The following PIGM variants were observed in gnomAD, a reference collection of about 807,000 sequenced individuals.
The protein encoded by PIGM is GPI alpha-1,4-mannosyltransferase I, catalytic subunit.
PIGM carries 7 observed loss-of-function variants against 14.6 expected under a neutral mutation model. That is an observed-to-expected ratio of 0.48 (90% CI 0.27 to 0.90). The LOEUF is 0.90. PIGM is among the 40% of genes least tolerant of loss of function. The pLI, the probability that PIGM is intolerant of heterozygous loss-of-function variation, is 0.12. For synonymous variants in PIGM, 216 were observed against 215.9 expected, an observed-to-expected ratio of 1.00 and a Z score of 0.00; for missense variants, 506 against 516.2, an observed-to-expected ratio of 0.98 and a Z score of 0.19.
At position 160,026,618 on chromosome 1, in the gene PIGM, A is replaced by G. The variant is rs1405929277; in HGVS notation, c.*3850T>C. 2.0e-5 allele frequency: 3 copies of G among 152,068 alleles called. No individual in the cohort carries two copies. The highest frequency in any genetic ancestry group is 4.4e-5 in the Non-Finnish European group (3 of 68,014). The allele number at this position is 152,068 out of a possible 1,614,324, so 9.4% of individuals were successfully genotyped here. A position where few individuals can be genotyped will look rare whatever the true frequency, so the allele number is the denominator to read the frequency against. On this transcript the variant is annotated 3_prime_UTR_variant, in exon 1 of 1. Transcript: ENST00000368090. ...CACTTTGGGAAGCCAATGAGGGAAG[A>G]TCACTTAAGTGATCTCCCTCTTGCA...
In PIGM at chr1:160,031,644, C is replaced by T; in HGVS notation, c.96G>A (p.Leu32=). ...GGTCCTGGAAGACGCCATAGAAAAC[C>T]AGGGCGACTCTGGCTAGAAAGGCCA... ...FGVAFLARVA[L]VFYGVFQDRT... is the part of the protein sequence containing the mutation. Residue 32 remains leucine (L), a synonymous_variant, in exon 1 of 1, where the codon CTG becomes CTA. Transcript: ENST00000368090. 3 of 1,614,176 alleles carry T rather than the reference C, an allele frequency of 1.9e-6. No individual in the cohort carries two copies. The highest frequency in any genetic ancestry group is 1.7e-6 in the Non-Finnish European group (2 of 1,180,028).
chr1:160,030,165 T>C lies in PIGM; in HGVS notation c.*303A>G. 2.9e-6 allele frequency: 1 copy of C among 347,532 alleles called. No homozygotes were observed. The highest frequency in any genetic ancestry group is 5.5e-6 in the Non-Finnish European group (1 of 181,138). The allele number at this position is 347,532 out of a possible 1,614,324, so 21.5% of individuals were successfully genotyped here. A position where few individuals can be genotyped will look rare whatever the true frequency, so the allele number is the denominator to read the frequency against. The stretch of plus-strand genomic sequence containing the variant: ...CTGGCTTAAACCTGATGTCTCTAAC[T>C]ATATTCCTCTATTTTAAGAATGTTT... On this transcript the variant is annotated 3_prime_UTR_variant, in exon 1 of 1. Transcript: ENST00000368090.
rs778988478 is a variant in PIGM at position 160,030,610 on chromosome 1, A to C, written c.1130T>G (p.Val377Gly). The C allele has an allele frequency of 8.1e-6, 13 of 1,614,114 alleles. No homozygotes were observed. The highest frequency in any genetic ancestry group is 2.7e-5 in the African/African-American group (2 of 74,944). ...GGTGTTCTTTCCTTGAAACTCTAGA[A>C]CATAGGCAGGAGCCAGCCACATGGC... ...GQAMWLAPAY[V>G]LEFQGKNTFL... The change falls in exon 1 of 1, where the codon GTT becomes GGT. Residue 377 changes from valine (V) to glycine (G), a missense_variant. Val to Gly is a moderately radical substitution (Grantham distance 109). Coordinates refer to ENST00000368090, the MANE Select transcript of PIGM (RefSeq NM_145167.3).
At position 160,030,984 on chromosome 1, in the gene PIGM, T is replaced by A. The variant is rs763115687; in HGVS notation, c.756A>T (p.Glu252Asp). The A allele has an allele frequency of 3.1e-6, 5 of 1,614,080 alleles. No individual in the cohort carries two copies. Among genetic ancestry groups the A allele is most frequent in the Non-Finnish European group, 4.2e-6 (5 of 1,180,018 alleles). ...SFGFYYEYGW[E>D]FLEHTYFYHL... ...GATAAAAGTAGGTGTGTTCCAAAAA[T>A]TCCCAGCCGTACTCATAGTAAAAAC... is the stretch of plus-strand genomic sequence containing the variant. The change falls in exon 1 of 1, where the codon GAA becomes GAT. Residue 252 changes from glutamate (E) to aspartate (D), a missense_variant. Glu to Asp is a conservative substitution (Grantham distance 45). Coordinates refer to ENST00000368090, the MANE Select transcript of PIGM (RefSeq NM_145167.3).
In PIGM at chr1:160,030,399, C is replaced by T; in HGVS notation, c.*69G>A. On this transcript the variant is annotated 3_prime_UTR_variant, in exon 1 of 1. Coordinates refer to ENST00000368090, the MANE Select transcript of PIGM (RefSeq NM_145167.3). ...CTTAGAATGTTCAGAAAAAATGTCC[C>T]AAAGCTCTCTTCTGGTCCATACAAG... 2 of 1,492,990 alleles carry T rather than the reference C, an allele frequency of 1.3e-6. No individual in the cohort carries two copies. The highest frequency in any genetic ancestry group is 1.9e-6 in the Non-Finnish European group (2 of 1,072,166). The allele number at this position is 1,492,990 out of a possible 1,614,324, so 92.5% of individuals were successfully genotyped here.
rs747612971 is a variant in PIGM, at chr1:160,031,681, C to T, written c.59G>A (p.Gly20Asp). ...WLLNLKVAPA[G>D]VFGVAFLARV... The stretch of plus-strand genomic sequence containing the variant: ...GGCTAGAAAGGCCACACCAAAGACG[C>T]CGGCTGGAGCCACCTTCAAGTTCAG... The change falls in exon 1 of 1, where the codon GGC (glycine) becomes GAC (aspartate). Residue 20 changes from glycine (G) to aspartate (D), a missense_variant. Transcript: ENST00000368090. 14 of 1,614,062 alleles carry T rather than the reference C, an allele frequency of 8.7e-6. No individual in the cohort carries two copies. In the African/African-American group the frequency reaches 1.6e-4, roughly 18 times the overall value.
chr1:160,031,930 C>A lies in PIGM; in HGVS notation c.-191G>T. On this transcript the variant is annotated 5_prime_UTR_variant, in exon 1 of 1. Coordinates refer to ENST00000368090, the MANE Select transcript of PIGM (RefSeq NM_145167.3). ...ACTGCTACCTGTCTCCAGCCCCGCG[C>A]GGTCTTCTCAGCCGCCCGAGCCAAA... The A allele has an allele frequency of 3.8e-6, 3 of 780,506 alleles. No homozygotes were observed. The highest frequency in any genetic ancestry group is 2.2e-6 in the Non-Finnish European group (1 of 455,846). The allele number at this position is 780,506 out of a possible 1,614,324, so 48.3% of individuals were successfully genotyped here.
rs755378617 is a variant in PIGM at position 160,030,476 on chromosome 1, A to G, written c.1264T>C (p.Tyr422His). 6.2e-7 allele frequency: 1 copy of G among 1,610,404 alleles called. No individual in the cohort carries two copies. The highest frequency in any genetic ancestry group is 1.7e-5 in the Admixed American group (1 of 60,026). Residue 422 changes from tyrosine (Y) to histidine (H), a missense_variant, in exon 1 of 1, where the codon TAT (tyrosine) becomes CAT (histidine). Coordinates refer to ENST00000368090, the MANE Select transcript of PIGM (RefSeq NM_145167.3). ...AGGGTGTGGAACATACACTAGTCAT[A>G]TTTGATTCTCTCTGTCAGGGGTTCT... is the stretch of plus-strand genomic sequence containing the variant. ...KEEPLTERIK[Y>H]D is the part of the protein sequence containing the mutation.
rs1341954561 is a variant in PIGM at position 160,029,881 on chromosome 1, A to G, written c.*587T>C. 1 of 128,466 alleles carries G rather than the reference A, an allele frequency of 7.8e-6. No individual in the cohort carries two copies. Among genetic ancestry groups the G allele is most frequent in the Non-Finnish European group, 1.6e-5 (1 of 63,766 alleles). 8.0% of individuals were successfully genotyped at this position (128,466 alleles called of 1,614,324 possible). A position where few individuals can be genotyped will look rare whatever the true frequency, so the allele number is the denominator to read the frequency against. On this transcript the variant is annotated 3_prime_UTR_variant, in exon 1 of 1. Transcript: ENST00000368090. ...GCTATGACTACAGGGGTGCACCACA[A>G]CACCTGGCTAATTTTTTTTTTTTTT... is the stretch of plus-strand genomic sequence containing the variant.
Position 160,031,299 on chromosome 1 carries a change from G to T in PIGM, c.441C>A (p.Asp147Glu). ...TCAGGACCAGGGAGGCGACAATAGA[G>T]TCCGCATTACCGCGGCTGGATACTG... ...PMAVSSRGNA[D>E]SIVASLVLMV... is the part of the protein sequence containing the mutation. The change falls in exon 1 of 1, where the codon GAC becomes GAA. Residue 147 changes from aspartate (D) to glutamate (E), a missense_variant. Coordinates refer to ENST00000368090, the MANE Select transcript of PIGM (RefSeq NM_145167.3). 1 of 1,614,076 alleles carries T rather than the reference G, an allele frequency of 6.2e-7. No individual in the cohort carries two copies. Among genetic ancestry groups the T allele is most frequent in the Non-Finnish European group, 8.5e-7 (1 of 1,180,002 alleles).
Position 160,030,731 on chromosome 1 carries a change from G to A in PIGM, c.1009C>T (p.Leu337Phe). The A allele has an allele frequency of 6.2e-7, 1 of 1,614,210 alleles. No individual in the cohort carries two copies. The highest frequency in any genetic ancestry group is 8.5e-7 in the Non-Finnish European group (1 of 1,180,038). The change falls in exon 1 of 1, where the codon CTT becomes TTT. Residue 337 changes from leucine to phenylalanine, a missense_variant. Leu to Phe is a conservative substitution (Grantham distance 22). Transcript: ENST00000368090. ...FNKVCTSQYF[L>F]WYLCLLPLVM... ...AGAGGCAGTAAGCAGAGGTACCAAAGAAAGTACTGGGAGGTGCAGACTTTG... is the reference window on the plus strand; with the variant it reads ...AGAGGCAGTAAGCAGAGGTACCAAAAAAAGTACTGGGAGGTGCAGACTTTG...
Position 160,031,847 on chromosome 1 carries a change from A to C in PIGM, c.-108T>G. Reference sequence around the variant, plus strand: ...GTGGCCGCCGCATCTCCCACCCGCCAGGCTGCCAACCGAAACGACTGCAGA... The same window carrying C: ...GTGGCCGCCGCATCTCCCACCCGCCCGGCTGCCAACCGAAACGACTGCAGA... On this transcript the variant is annotated 5_prime_UTR_variant, in exon 1 of 1. Coordinates refer to ENST00000368090, the MANE Select transcript of PIGM (RefSeq NM_145167.3). 7.5e-7 allele frequency: 1 copy of C among 1,326,742 alleles called. No individual in the cohort carries two copies. Among genetic ancestry groups the C allele is most frequent in the Non-Finnish European group, 1.1e-6 (1 of 935,300 alleles). The allele number at this position is 1,326,742 out of a possible 1,614,324, so 82.2% of individuals were successfully genotyped here. A position where few individuals can be genotyped will look rare whatever the true frequency, so the allele number is the denominator to read the frequency against.
In PIGM at chr1:160,030,534, G is replaced by A; in HGVS notation, c.1206C>T (p.Ser402=). The change falls in exon 1 of 1, where the codon TCC becomes TCT. Residue 402 remains serine, a synonymous_variant. Coordinates refer to ENST00000368090, the MANE Select transcript of PIGM (RefSeq NM_145167.3). ...AGLFFLLINC[S]ILIQIISHYK... ...AATGGGAAATAATTTGAATCAGGAT[G>A]GAACAATTGATAAGAAGAAAGAACA... 1 of 1,613,658 alleles carries A rather than the reference G, an allele frequency of 6.2e-7. No individual in the cohort carries two copies. Among genetic ancestry groups the A allele is most frequent in the Middle Eastern group, 1.7e-4 (1 of 6,060 alleles).
Position 160,031,914 on chromosome 1 carries a change from T to A in PIGM, c.-175A>T. On this transcript the variant is annotated 5_prime_UTR_variant, in exon 1 of 1. Coordinates refer to ENST00000368090, the MANE Select transcript of PIGM (RefSeq NM_145167.3). ...GAAGCCCCGCCCCCGTACTGCTACC[T>A]GTCTCCAGCCCCGCGCGGTCTTCTC... The A allele has an allele frequency of 1.2e-6, 1 of 842,418 alleles. No individual in the cohort carries two copies. Among genetic ancestry groups the A allele is most frequent in the Non-Finnish European group, 2.0e-6 (1 of 505,974 alleles). The allele number at this position is 842,418 out of a possible 1,614,324, so 52.2% of individuals were successfully genotyped here.
At position 160,031,897 on chromosome 1, in the gene PIGM, GC is replaced by G. The variant is rs1648351789; in HGVS notation, c.-159del. ...ACTATCACATCCGGCATGAAGCCCC[GC>G]CCCCGTACTGCTACCTGTCTCCAGC... On this transcript the variant is annotated 5_prime_UTR_variant, in exon 1 of 1. Coordinates refer to ENST00000368090, the MANE Select transcript of PIGM (RefSeq NM_145167.3). 1 of 917,976 alleles carries G rather than the reference GC, an allele frequency of 1.1e-6. No homozygotes were observed. The highest frequency in any genetic ancestry group is 2.6e-5 in the East Asian group (1 of 37,944). The allele number at this position is 917,976 out of a possible 1,614,324, so 56.9% of individuals were successfully genotyped here.
chr1:160,031,732 G>C lies in PIGM; in HGVS notation c.8C>G (p.Ser3Cys), dbSNP rs1017890823. 3 of 1,614,130 alleles carry C rather than the reference G, an allele frequency of 1.9e-6. No individual in the cohort carries two copies. In the East Asian group the frequency reaches 6.7e-5, roughly 36 times the overall value. The change falls in exon 1 of 1, where the codon TCC becomes TGC. Residue 3 changes from serine to cysteine, a missense_variant. By Grantham distance (112) the Ser-to-Cys change is moderately radical (BLOSUM62 -1). Transcript: ENST00000368090. ...GAGCCATTCGCCCCAGTGCTTGGTG[G>C]AGCCCATGATCTGACCGTGCGACAG... MG[S>C]TKHWGEWLLN... is the part of the protein sequence containing the mutation.
chr1:160,030,486 C>G lies in PIGM; in HGVS notation c.1254G>C (p.Glu418Asp). ...ACATACACTAGTCATATTTGATTCT[C>G]TCTGTCAGGGGTTCTTCTTTGTAAT... Reference protein sequence around the residue: ...ISHYKEEPLTERIKYD With the variant: ...ISHYKEEPLTDRIKYD The change falls in exon 1 of 1, where the codon GAG becomes GAC. Residue 418 changes from glutamate (E) to aspartate (D), a missense_variant. Glu to Asp is a conservative substitution (Grantham distance 45). Coordinates refer to ENST00000368090, the MANE Select transcript of PIGM (RefSeq NM_145167.3). 6.2e-7 allele frequency: 1 copy of G among 1,612,180 alleles called. No homozygotes were observed. Among genetic ancestry groups the G allele is most frequent in the Non-Finnish European group, 8.5e-7 (1 of 1,178,272 alleles).
rs1648339324 is a variant in PIGM, at chr1:160,031,600, TA to T, written c.139del (p.Tyr47IlefsTer24). The T allele has an allele frequency of 6.2e-7, 1 of 1,614,014 alleles. No individual in the cohort carries two copies. The highest frequency in any genetic ancestry group is 8.5e-7 in the Non-Finnish European group (1 of 1,180,030). ...GAAGACCTGGTAGTCGATGTCCGTA[TA>T]CCTCACGTGCAGGGTCCGGTCCTGG... ...VFQDRTLHVRYTDIDYQVFTD... is the reference protein window; with the variant it reads ...VFQDRTLHVRXTDIDYQVFTD... On this transcript the variant is annotated frameshift_variant, in exon 1 of 1. Coordinates refer to ENST00000368090, the MANE Select transcript of PIGM (RefSeq NM_145167.3). LOFTEE classifies it low-confidence loss of function (END_TRUNC).
At position 160,031,158 on chromosome 1, in the gene PIGM, C is replaced by T. The variant is rs35060029; in HGVS notation, c.582G>A (p.Leu194=). 6.2e-7 allele frequency: 1 copy of T among 1,613,984 alleles called. No individual in the cohort carries two copies. The highest frequency in any genetic ancestry group is 2.2e-5 in the East Asian group (1 of 44,884). ...TTTTGTCATTGTCGCGATCTGGAAGCAGGTGGAGGGTTATGGGAAGGATGT... is the reference window on the plus strand; with the variant it reads ...TTTTGTCATTGTCGCGATCTGGAAGTAGGTGGAGGGTTATGGGAAGGATGT... ...VTYILPITLH[L]LPDRDNDKSL... Residue 194 remains leucine, a synonymous_variant, in exon 1 of 1, where the codon CTG becomes CTA. Coordinates refer to ENST00000368090, the MANE Select transcript of PIGM (RefSeq NM_145167.3).
Sources: allele counts gnomAD v4.1 joint callset, GRCh38; gene constraint gnomAD v4.1.1; transcripts MANE v1.5; gene names NCBI Gene and HGNC (gene_info 2026-07-23, HGNC 2026-07-21).